BDNF: variants seen among roughly 807,000 people sequenced by gnomAD.
BDNF encodes the protein brain derived neurotrophic factor.
A neutral mutation model predicts 19.5 loss-of-function variants in BDNF; 1 was observed. The observed-to-expected ratio is 0.05, with a 90% CI of 0.02 to 0.24. The LOEUF (loss-of-function observed/expected upper bound fraction) is 0.24, where lower values mean the gene tolerates loss of function less well. BDNF is among the 10% of genes least tolerant of loss of function. The pLI, the probability that BDNF is intolerant of heterozygous loss-of-function variation, is 1.00. For missense variants in BDNF, 195 were observed against 317.6 expected, an observed-to-expected ratio of 0.61 and a Z score of 2.93; for synonymous variants, 100 against 121.6, an observed-to-expected ratio of 0.82 and a Z score of 1.17.
At chr11:27,701,169 A>G (rs1234985083), upstream of BDNF, 3 of 1,206,360 alleles carry the variant, frequency 2.5e-6, no homozygotes, top group East Asian at 1.7e-4. Flanking sequence ...GAACGCCCCC[A>G]GATAACGTTA....
intron 1 of BDNF, among the ~76,000 whole-genome samples, chr11:27,670,925 A>C (rs1286425396): frequency 1.3e-5 from 2 of 152,244 alleles, no homozygotes; most frequent in Non-Finnish European, 2.9e-5. Context: ...CCAGAGGATT[A>C]TAAATCATGC....
intron 1 of BDNF, among the ~76,000 whole-genome samples, chr11:27,711,161 T>C (rs761925852): frequency 6.6e-6 from 1 of 152,208 alleles, no homozygotes; most frequent in Non-Finnish European, 1.5e-5. Context: ...AGATAGTTAA[T>C]TAATTACTGA....
At chr11:27,669,278 C>T (rs983172446) in intron 1 of BDNF, among the ~76,000 whole-genome samples, 10 of 152,126 alleles carry the variant, frequency 6.6e-5, no homozygotes, top group Non-Finnish European at 1.2e-4. Context: ...GAGCTATTCA[C>T]GACAAACCCA....
At chr11:27,716,305 C>A (rs1860505643) in intron 1 of BDNF, among the ~76,000 whole-genome samples, 3 of 152,086 alleles carry the variant, frequency 2.0e-5, no homozygotes, top group Admixed American at 2.0e-4. Flanking sequence ...GGTAAGCTTT[C>A]ACTAGATGCT....
intron 1 of BDNF, chr11:27,674,353 C>A: frequency 6.5e-7 from 1 of 1,529,416 alleles, no homozygotes; most frequent in Non-Finnish European, 8.8e-7. Context: ...CTGTAAAGCA[C>A]AGGAAAGTGC....
chr11:27,658,275 C>T lies in BDNF; in HGVS notation c.290G>A (p.Ser97Asn). 6.2e-7 allele frequency: 1 copy of T among 1,614,100 alleles called. No individual in the cohort carries two copies. The highest frequency in any genetic ancestry group is 8.5e-7 in the Non-Finnish European group (1 of 1,180,034). The change falls in exon 2 of 2, where the codon AGT becomes AAT. Residue 97 changes from serine (S) to asparagine (N), a missense_variant. Physicochemically the swap from Ser to Asn is conservative, Grantham distance 46 (BLOSUM62 1). Coordinates refer to ENST00000356660, the MANE Select transcript of BDNF (RefSeq NM_001709.5). This position sits in a 1 kb window ranked among gnomAD's most constrained non-coding sequence, Gnocchi z 5.7. ...ADLYTSRVML[S>N]SQVPLEPPLL... ...AGGAGGCTCCAAAGGCACTTGACTA[C>T]TGAGCATCACCCTGGACGTGTACAA...
At chr11:27,694,949 G>A (rs763039724) in intron 1 of BDNF, among the ~76,000 whole-genome samples, 4 of 152,140 alleles carry the variant, frequency 2.6e-5, no homozygotes, top group Admixed American at 6.5e-5. Context: ...GATGCTAGCC[G>A]TTGATTCCTG....
chr11:27,664,230 TC>T (rs1316827853), intron 1 of BDNF, among the ~76,000 whole-genome samples: 1 of 152,154 alleles, frequency 6.6e-6, no homozygotes, highest in Non-Finnish European at 1.5e-5. Flanking sequence ...CTTAATGAAA[TC>T]TTGCAAATCA....
At chr11:27,682,887 A>T (rs554272600) in intron 1 of BDNF, among the ~76,000 whole-genome samples, 4 of 152,270 alleles carry the variant, frequency 2.6e-5, no homozygotes, top group African/African-American at 9.6e-5. Flanking sequence ...ATGTGTCTTT[A>T]TAGTAGCATG....
chr11:27,661,925 ACTCC>A (rs1853507402), intron 1 of BDNF, among the ~76,000 whole-genome samples: 1 of 151,792 alleles, frequency 6.6e-6, no homozygotes, highest in African/African-American at 2.4e-5. Context: ...TTCTCTAATT[ACTCC>A]AGCATACACT....
Position 27,656,665 on chromosome 11 carries a change from T to C in BDNF, c.*1156A>G, listed in dbSNP as rs1440482467. On this transcript the variant is annotated 3_prime_UTR_variant, in exon 2 of 2. Coordinates refer to ENST00000356660, the MANE Select transcript of BDNF (RefSeq NM_001709.5). The stretch of plus-strand genomic sequence containing the variant: ...CTGTTCTGATCTAGGTGTTTCTGGG[T>C]TGATACAGGGCTCTACCTTTTGCTT... 1.0e-6 allele frequency: 1 copy of C among 985,764 alleles called. No individual in the cohort carries two copies. Among genetic ancestry groups the C allele is most frequent in the Non-Finnish European group, 1.2e-6 (1 of 829,928 alleles). 61.1% of individuals were successfully genotyped at this position (985,764 alleles called of 1,614,324 possible).
intron 1 of BDNF, among the ~76,000 whole-genome samples, chr11:27,710,638 T>C (rs1276311486): frequency 6.6e-6 from 1 of 152,242 alleles, no homozygotes; most frequent in Non-Finnish European, 1.5e-5. Flanking sequence ...TTGTCCATCC[T>C]CTTCTTCTCC....
At chr11:27,704,358 C>T (rs941977025), upstream of BDNF, among the ~76,000 whole-genome samples, 1 of 152,152 alleles carries the variant, frequency 6.6e-6, no homozygotes, top group African/African-American at 2.4e-5. Context: ...GAATTCCCAT[C>T]TATTCTTGTC....
Position 27,657,545 on chromosome 11 carries a change from T to G in BDNF, c.*276A>C, listed in dbSNP as rs919598906. The G allele has an allele frequency of 2.5e-6, 3 of 1,186,048 alleles. No individual in the cohort carries two copies. The highest frequency in any genetic ancestry group is 2.1e-6 in the Non-Finnish European group (2 of 955,628). The allele number at this position is 1,186,048 out of a possible 1,614,324, so 73.5% of individuals were successfully genotyped here. A position where few individuals can be genotyped will look rare whatever the true frequency, so the allele number is the denominator to read the frequency against. On this transcript the variant is annotated 3_prime_UTR_variant, in exon 2 of 2. Transcript: ENST00000356660. This position sits in a 1 kb window ranked among gnomAD's most constrained non-coding sequence, Gnocchi z 5.0. ...CATGCAATTTATTATTTTTTTTAACTTTTTATGTTTTCAGTTCTTGGCAAC... is the reference window on the plus strand; with the variant it reads ...CATGCAATTTATTATTTTTTTTAACGTTTTATGTTTTCAGTTCTTGGCAAC...
At chr11:27,680,677 T>C (rs768371399) in intron 1 of BDNF, among the ~76,000 whole-genome samples, 4 of 152,210 alleles carry the variant, frequency 2.6e-5, no homozygotes, top group Non-Finnish European at 4.4e-5. Context: ...AGAAATATTC[T>C]TGCTTTTAAA....
upstream of BDNF, chr11:27,701,183 C>A: frequency 1.7e-6 from 2 of 1,192,774 alleles, no homozygotes; most frequent in South Asian, 1.4e-5. Flanking sequence ...AACGTTACAC[C>A]AAGTTACTTG....
chr11:27,699,248 C>A (rs1859593877), intron 1 of BDNF: 1 of 1,197,384 alleles, frequency 8.4e-7, no homozygotes, highest in African/African-American at 1.5e-5. Flanking sequence ...AACACTGCAT[C>A]CTCCAGTTCA....
At chr11:27,706,141 A>G (rs974263778) in intron 1 of BDNF, among the ~76,000 whole-genome samples, 4 of 152,194 alleles carry the variant, frequency 2.6e-5, no homozygotes, top group African/African-American at 7.2e-5. Flanking sequence ...ACCACGGTTA[A>G]TCAGTCCCCA....
chr11:27,665,121 T>A (rs935378569), intron 1 of BDNF: 1 of 152,222 alleles, frequency 6.6e-6, no homozygotes, highest in Non-Finnish European at 1.5e-5. Flanking sequence ...TCAGGTGGGA[T>A]CTGTTACAAT....
Sources: gnomAD v4.1 joint callset for allele counts (sites outside exome capture counted in the v4.1 genomes callset) on GRCh38, gnomAD v4.1.1 for gene constraint, Gnocchi (gnomAD v3.1) non-coding constraint, MANE v1.5 for transcripts, NCBI Gene and HGNC (gene_info 2026-07-23, HGNC 2026-07-21) for gene names.